The following ASB3 variants were observed in gnomAD, a reference collection of about 807,000 sequenced individuals.
ASB3 encodes ankyrin repeat and SOCS box protein 3.
In ASB3, 41 loss-of-function variants were observed where a neutral mutation model predicts 54.5. The observed-to-expected ratio is 0.75, with a 90% confidence interval of 0.59 to 0.98. The LOEUF (loss-of-function observed/expected upper bound fraction) is 0.98. Ranked by LOEUF, ASB3 falls within the 50% of genes least tolerant of loss-of-function variation. The pLI is 0.00. For missense variants in ASB3, 733 were observed against 620.0 expected (o/e 1.18, Z -1.94); for synonymous variants, 266 against 221.2 (o/e 1.20, Z -1.80).
intron 7 of ASB3, among the ~76,000 whole-genome samples, chr2:53,710,913 G>A (rs999364205): frequency 1.3e-5 from 2 of 151,936 alleles, no homozygotes; most frequent in South Asian, 2.1e-4. Context: ...GATCACCTGA[G>A]CTCGGAGTTC....
chr2:53,755,013 A>T (rs1672735508), intron 2 of ASB3, among the ~76,000 whole-genome samples: 1 of 152,224 alleles, frequency 6.6e-6, no homozygotes, highest in Non-Finnish European at 1.5e-5. Context: ...TTGAAAAAGA[A>T]ATGGCTCATC....
chr2:53,681,772 C>T (rs1394620492), intron 9 of ASB3, among the ~76,000 whole-genome samples: 1 of 152,026 alleles, frequency 6.6e-6, no homozygotes, highest in Non-Finnish European at 1.5e-5. Flanking sequence ...CTTTGTAGTA[C>T]AATTTGAAGT....
At chr2:53,754,727 T>C (rs552743680) in intron 2 of ASB3, among the ~76,000 whole-genome samples, 19 of 152,306 alleles carry the variant, frequency 1.2e-4, no homozygotes, top group East Asian at 1.2e-3. Context: ...TAGGGTTCAA[T>C]AGAATTAGGT....
chr2:53,741,359 G>C (rs1479673221), intron 3 of ASB3, among the ~76,000 whole-genome samples: 2 of 152,200 alleles, frequency 1.3e-5, no homozygotes, highest in Non-Finnish European at 2.9e-5. Context: ...TCACAAACTG[G>C]CTGTCAATGT....
intron 3 of ASB3, among the ~76,000 whole-genome samples, chr2:53,730,427 G>A (rs1273221721): frequency 6.6e-6 from 1 of 152,144 alleles, no homozygotes; most frequent in African/African-American, 2.4e-5. Flanking sequence ...AAGAAGGTCT[G>A]GCTAACGTGC....
At chr2:53,740,801 G>A (rs1671892381) in intron 3 of ASB3, among the ~76,000 whole-genome samples, 2 of 152,272 alleles carry the variant, frequency 1.3e-5, no homozygotes, top group East Asian at 1.9e-4. Context: ...TTAGACATCA[G>A]AGACCATATC....
At chr2:53,682,054 G>A (rs1397711124) in intron 9 of ASB3, among the ~76,000 whole-genome samples, 1 of 151,840 alleles carries the variant, frequency 6.6e-6, no homozygotes, top group African/African-American at 2.4e-5. Context: ...CAGCTACTTG[G>A]GAGGCTGAGG....
At chr2:53,690,769 G>A (rs1354109680) in intron 9 of ASB3, among the ~76,000 whole-genome samples, 1 of 148,584 alleles carries the variant, frequency 6.7e-6, no homozygotes, top group Non-Finnish European at 1.5e-5. Context: ...TAATATATAT[G>A]TATTATATAA....
In ASB3 at chr2:53,742,417, A is replaced by C. The variant is rs535900529; in HGVS notation, c.355+8366T>G. On this transcript the variant is annotated intron_variant, in intron 3 of 9. Coordinates refer to ENST00000263634, the MANE Select transcript of ASB3 (RefSeq NM_016115.5). ...ACAAGAATAAAGGAAGAAAAGTTAT[A>C]GAAAAACAATAGACCAACAACAAAA... Among the ~76,000 whole-genome samples the C allele has an allele frequency of 6.6e-5, 10 of 152,332 alleles. No homozygotes were observed. In the South Asian group the frequency reaches 1.9e-3, roughly 28 times the overall value.
chr2:53,718,437 A>G (rs1460530148), intron 5 of ASB3, among the ~76,000 whole-genome samples: 1 of 152,178 alleles, frequency 6.6e-6, no homozygotes, highest in African/African-American at 2.4e-5. Context: ...AACGAAGGAG[A>G]AATAAAATAT....
chr2:53,756,101 G>A (rs1672808672), intron 2 of ASB3, among the ~76,000 whole-genome samples: 1 of 144,708 alleles, frequency 6.9e-6, no homozygotes, highest in South Asian at 2.1e-4. Flanking sequence ...AAGAGTTGGA[G>A]GCTGCAATGA....
At chr2:53,749,762 G>C (rs114370349) in intron 3 of ASB3, among the ~76,000 whole-genome samples, 2,364 of 152,144 alleles carry the variant, frequency 0.016, 21 homozygotes, top group South Asian at 0.036. Flanking sequence ...TCACTGTCAG[G>C]GGTGGAGCTG....
In ASB3 at chr2:53,736,614, G is replaced by A. The variant is rs187695831; in HGVS notation, c.356-7044C>T. On this transcript the variant is annotated intron_variant, in intron 3 of 9. Coordinates refer to ENST00000263634, the MANE Select transcript of ASB3 (RefSeq NM_016115.5). ...CTTGGGAGGCCGAGGCAGGAGAATGGTGTGAACCCAGGAGGCGGAGCTTGC... is the reference window on the plus strand; with the variant it reads ...CTTGGGAGGCCGAGGCAGGAGAATGATGTGAACCCAGGAGGCGGAGCTTGC... 6.6e-5 allele frequency among the ~76,000 whole-genome samples: 10 copies of A among 152,094 alleles called. No individual in the cohort carries two copies. In the East Asian group the frequency reaches 1.9e-3, roughly 29 times the overall value.
At chr2:53,700,662 C>T (rs1669438825) in intron 7 of ASB3, 134 bp from the exon 8 acceptor site, 1 of 1,273,492 alleles carries the variant, frequency 7.9e-7, no homozygotes, top group South Asian at 1.6e-5. Context: ...TTCTACACAT[C>T]TAGTGGATTG....
intron 2 of ASB3, among the ~76,000 whole-genome samples, chr2:53,752,745 T>C (rs879833583): frequency 6.6e-6 from 1 of 152,216 alleles, no homozygotes; most frequent in African/African-American, 2.4e-5. Flanking sequence ...ACTTACTATA[T>C]ATTAAACCAT....
chr2:53,732,011 G>A (rs1419980169), intron 3 of ASB3, among the ~76,000 whole-genome samples: 2 of 151,662 alleles, frequency 1.3e-5, no homozygotes, highest in African/African-American at 4.8e-5. Flanking sequence ...AGGCTGGAGT[G>A]CAGTGGCGCA....
intron 2 of ASB3, among the ~76,000 whole-genome samples, chr2:53,759,852 T>C (rs994960978): frequency 1.1e-4 from 17 of 152,176 alleles, no homozygotes; most frequent in Non-Finnish European, 2.4e-4. Context: ...GCAGCAGGAC[T>C]GAGGGTGTCC....
intron 9 of ASB3, among the ~76,000 whole-genome samples, chr2:53,679,460 C>T (rs1244641748): frequency 6.6e-6 from 1 of 152,080 alleles, no homozygotes; most frequent in African/African-American, 2.4e-5. Flanking sequence ...AAATTTATCT[C>T]TGTCCAGCCC....
chr2:53,670,570 T>C lies in ASB3; in HGVS notation c.1490A>G (p.Tyr497Cys), dbSNP rs1667757035. ...CCTCAGAACGTCTTCATAGAGCAAA[T>C]AATTATGTAGGCTTCTGGGAAGTGG... is the stretch of plus-strand genomic sequence containing the variant. ...QLPLPRSLHN[Y>C]LLYEDVLRMY... Residue 497 changes from tyrosine (Y) to cysteine (C), a missense_variant, in exon 10 of 10, where the codon TAT becomes TGT. Coordinates refer to ENST00000263634, the MANE Select transcript of ASB3 (RefSeq NM_016115.5). 6.2e-7 allele frequency: 1 copy of C among 1,614,026 alleles called. No individual in the cohort carries two copies. Among genetic ancestry groups the C allele is most frequent in the Non-Finnish European group, 8.5e-7 (1 of 1,179,984 alleles).
Sources: gnomAD v4.1 joint callset for allele counts (sites outside exome capture counted in the v4.1 genomes callset) on GRCh38, gnomAD v4.1.1 for gene constraint, MANE v1.5 for transcripts, NCBI Gene and HGNC (gene_info 2026-07-23, HGNC 2026-07-21) for gene names.